NUDT17: variants seen among roughly 807,000 people sequenced by gnomAD.
NUDT17 encodes nudix hydrolase 17, also known as m7GpppN-mRNA hydrolase NUDT17.
NUDT17 carries 38 observed loss-of-function variants against 38.6 expected under a neutral mutation model. The ratio of observed to expected loss-of-function variants is 0.98; its 90% confidence interval spans 0.76 to 1.29. The LOEUF (loss-of-function observed/expected upper bound fraction) is 1.29, where lower values mean the gene tolerates loss of function less well. Among genes scored for constraint, NUDT17 ranks in the 50% most tolerant of loss-of-function variants. The pLI is 0.00. For synonymous variants in NUDT17, 192 were observed against 167.8 expected (o/e 1.14, Z -1.11); for missense variants, 462 against 415.2 (o/e 1.11, Z -0.98).
chr1:145,845,957 C>T, intron 1 of NUDT17, 56 bp from the exon 2 acceptor site: 5 of 1,545,064 alleles, frequency 3.2e-6, no homozygotes, highest in Non-Finnish European at 4.4e-6. Context: ...TTGGAAGTCA[C>T]GCCCACCCAG....
rs782001827 is a variant in NUDT17 at position 145,846,440 on chromosome 1, C to A, written c.384C>A (p.His128Gln). ...SPNLWVPPGG[H>Q]VELEEELLDG... is the part of the protein sequence containing the mutation. ...GCCCCACTGTTGTTGCAGGTGGGCA[C>A]GTGGAACTTGAGGAGGAGGTAACCA... Residue 128 changes from histidine to glutamine, a missense_variant, in exon 3 of 8, where the codon CAC becomes CAA. Transcript: ENST00000334513. 3 of 1,613,816 alleles carry A rather than the reference C, an allele frequency of 1.9e-6. No homozygotes were observed. Among genetic ancestry groups the A allele is most frequent in the Non-Finnish European group, 2.5e-6 (3 of 1,179,768 alleles).
chr1:145,847,036 A>C (rs1301330721), intron 4 of NUDT17, among the ~76,000 whole-genome samples: 1 of 152,204 alleles, frequency 6.6e-6, no homozygotes, highest in Non-Finnish European at 1.5e-5. Flanking sequence ...TACTAAAAAT[A>C]CAAAAATTTT....
At position 145,848,227 on chromosome 1, in the gene NUDT17, A is replaced by C. The variant is rs1652807055; in HGVS notation, c.847A>C (p.Lys283Gln). The change falls in exon 7 of 8, where the codon AAG becomes CAG. Residue 283 changes from lysine to glutamine, a missense_variant. Coordinates refer to ENST00000334513, the MANE Select transcript of NUDT17 (RefSeq NM_001012758.3). Reference sequence around the variant, plus strand: ...CAAAGAGAGAGTCAGCACTGGAACCAAGTTTGCCCTCAAGCTCTGGCTGCA... The same window carrying C: ...CAAAGAGAGAGTCAGCACTGGAACCCAGTTTGCCCTCAAGCTCTGGCTGCA... Reference protein sequence around the residue: ...EDKERVSTGTKFALKLWLQHL... With the variant: ...EDKERVSTGTQFALKLWLQHL... 8 of 1,614,082 alleles carry C rather than the reference A, an allele frequency of 5.0e-6. No individual in the cohort carries two copies. Among genetic ancestry groups the C allele is most frequent in the Non-Finnish European group, 6.8e-6 (8 of 1,180,044 alleles).
rs942018544 is a variant in NUDT17 at position 145,846,185 on chromosome 1, G to T, written c.365G>T (p.Trp122Leu). 2 of 1,585,454 alleles carry T rather than the reference G, an allele frequency of 1.3e-6. No homozygotes were observed. Among genetic ancestry groups the T allele is most frequent in the Non-Finnish European group, 1.7e-6 (2 of 1,165,870 alleles). ...ARTLSVSPNL[W>L]VPPGGHVELE... Reference sequence around the variant, plus strand: ...ACCCTGAGCGTTTCCCCCAACCTCTGGGTACCCCCGGGTGAGTATTCTGGG... The same window carrying T: ...ACCCTGAGCGTTTCCCCCAACCTCTTGGTACCCCCGGGTGAGTATTCTGGG... Residue 122 changes from tryptophan to leucine, a missense_variant, in exon 2 of 8, where the codon TGG becomes TTG. Coordinates refer to ENST00000334513, the MANE Select transcript of NUDT17 (RefSeq NM_001012758.3).
chr1:145,847,541 A>G, intron 5 of NUDT17, 42 bp from the exon 6 acceptor site: 1 of 1,608,122 alleles, frequency 6.2e-7, no homozygotes. Context: ...CAGGCAGCCC[A>G]GGGAGAGGCA....
Position 145,848,544 on chromosome 1 carries a change from G to T in NUDT17, c.*65G>T. On this transcript the variant is annotated 3_prime_UTR_variant, in exon 8 of 8. Transcript: ENST00000334513. ...ACAGAACATTCACAACCTTTATTAT[G>T]GGTGAGAGCTTCACTACAACTTTAG... 1 of 1,080,450 alleles carries T rather than the reference G, an allele frequency of 9.3e-7. No individual in the cohort carries two copies. Among genetic ancestry groups the T allele is most frequent in the South Asian group, 1.4e-5 (1 of 72,940 alleles). The allele number at this position is 1,080,450 out of a possible 1,614,324, so 66.9% of individuals were successfully genotyped here.
Position 145,848,516 on chromosome 1 carries a change from C to T in NUDT17, c.*37C>T. ...CCCTCCCTAGCCCATCTCCATGACA[C>T]TCACAGAACATTCACAACCTTTATT... On this transcript the variant is annotated 3_prime_UTR_variant, in exon 8 of 8. Transcript: ENST00000334513. 7.2e-7 allele frequency: 1 copy of T among 1,386,664 alleles called. No homozygotes were observed. Among genetic ancestry groups the T allele is most frequent in the Non-Finnish European group, 1.0e-6 (1 of 983,304 alleles). The allele number at this position is 1,386,664 out of a possible 1,614,324, so 85.9% of individuals were successfully genotyped here.
chr1:145,848,381 C>T lies in NUDT17; in HGVS notation c.889C>T (p.Pro297Ser). The T allele has an allele frequency of 6.2e-7, 1 of 1,613,228 alleles. No homozygotes were observed. The highest frequency in any genetic ancestry group is 8.5e-7 in the Non-Finnish European group (1 of 1,179,458). ...KLWLQHLGRTPPPCKSAAYLD... is the reference protein window; with the variant it reads ...KLWLQHLGRTSPPCKSAAYLD... ...TCTCTTGGAATTCCTCCACAGAACA[C>T]CCCCACCGTGTAAAAGTGCAGCTTA... Residue 297 changes from proline (P) to serine (S), a missense_variant, in exon 8 of 8, where the codon CCC (proline) becomes TCC (serine). Pro to Ser is a moderately conservative substitution (Grantham distance 74, BLOSUM62 -1). Transcript: ENST00000334513.
At position 145,845,842 on chromosome 1, in the gene NUDT17, AG is replaced by A; in HGVS notation, c.192+15del. ...TAGGCTTCCGCTCCAGGTCGGCAGA[AG>A]GGGGCCCCAGAGCGGGGGCAGTGAA... On this transcript the variant is annotated intron_variant, in intron 1 of 7. Transcript: ENST00000334513. The A allele has an allele frequency of 6.3e-7, 1 of 1,581,330 alleles. No individual in the cohort carries two copies. Among genetic ancestry groups the A allele is most frequent in the Non-Finnish European group, 8.6e-7 (1 of 1,163,646 alleles).
chr1:145,846,658 C>T lies in NUDT17; in HGVS notation c.463C>T (p.Gln155Ter). 1 of 1,613,996 alleles carries T rather than the reference C, an allele frequency of 6.2e-7. No individual in the cohort carries two copies. Among genetic ancestry groups the T allele is most frequent in the Non-Finnish European group, 8.5e-7 (1 of 1,179,854 alleles). Residue 155 changes from glutamine (Q) to a stop codon, truncating the protein, a stop_gained, in exon 4 of 8, where the codon CAG (glutamine) becomes TAG (stop). Transcript: ENST00000334513. LOFTEE classifies it high-confidence loss of function. ...EESGLHLPQG[Q>*]FSWVPLGLWE... ...GAGTGGACTACACCTGCCCCAGGGC[C>T]AGTTCTCTTGGGTCCCTCTGGGTTT...
rs782300119 is a variant in NUDT17, at chr1:145,846,380, G to A, written c.377-53G>A. ...AGAGGAGTGTCAACAGTGAGTGGGG[G>A]CTCCCTGGCCAAGACCACCACCATT... On this transcript the variant is annotated intron_variant, in intron 2 of 7. Coordinates refer to ENST00000334513, the MANE Select transcript of NUDT17 (RefSeq NM_001012758.3). 29 of 1,608,686 alleles carry A rather than the reference G, an allele frequency of 1.8e-5. No individual in the cohort carries two copies. The African/African-American group carries it at 2.4e-4, about 13-fold the overall frequency.
Position 145,847,610 on chromosome 1 carries a change from G to T in NUDT17, c.622G>T (p.Val208Leu). ...QARIQPNPNE[V>L]SALMWLTPDV... ...CCGGATCCAACCAAACCCAAATGAG[G>T]TGAGCGCCCTTATGTGGCTGACACC... Residue 208 changes from valine to leucine, a missense_variant, in exon 6 of 8, where the codon GTG becomes TTG. Transcript: ENST00000334513. 1 of 1,613,862 alleles carries T rather than the reference G, an allele frequency of 6.2e-7. No individual in the cohort carries two copies. Among genetic ancestry groups the T allele is most frequent in the Non-Finnish European group, 8.5e-7 (1 of 1,180,030 alleles).
chr1:145,847,981 T>C, intron 6 of NUDT17, 131 bp from the exon 7 acceptor site: 2 of 1,072,388 alleles, frequency 1.9e-6, no homozygotes, highest in Non-Finnish European at 2.7e-6. Flanking sequence ...CTTGAACCTG[T>C]TTCCTTTCTG....
chr1:145,845,738 T>C lies in NUDT17; in HGVS notation c.98T>C (p.Leu33Pro). ...GGCCTCCTGGGAGCCGGACCAGGGC[T>C]CGGGACGTGGCCCATTCACTGCAGC... is the stretch of plus-strand genomic sequence containing the variant. ...VCGLLGAGPGLGTWPIHCSLK... is the reference protein window; with the variant it reads ...VCGLLGAGPGPGTWPIHCSLK... Residue 33 changes from leucine (L) to proline (P), a missense_variant, in exon 1 of 8, where the codon CTC becomes CCC. Leu to Pro is a moderately conservative substitution (Grantham distance 98, BLOSUM62 -3). Coordinates refer to ENST00000334513, the MANE Select transcript of NUDT17 (RefSeq NM_001012758.3). The C allele has an allele frequency of 6.4e-7, 1 of 1,565,344 alleles. No individual in the cohort carries two copies. The highest frequency in any genetic ancestry group is 1.4e-5 in the African/African-American group (1 of 73,942).
Position 145,848,280 on chromosome 1 carries a change from GA to G in NUDT17, c.884+17del. ...ATCTGGGCAGGTAAAAGTGAAAAAG[GA>G]CTGGAGAGCTCCACAGTACTGGGCT... On this transcript the variant is annotated intron_variant, in intron 7 of 7. Transcript: ENST00000334513. The G allele has an allele frequency of 6.2e-7, 1 of 1,614,094 alleles. No homozygotes were observed. The highest frequency in any genetic ancestry group is 8.5e-7 in the Non-Finnish European group (1 of 1,179,962).
rs782255046 is a variant in NUDT17, at chr1:145,847,647, C to T, written c.659C>T (p.Ala220Val). ...ALMWLTPDVA[A>V]AVAAAEDGTE... ...ATGTGGCTGACACCAGATGTAGCTGCTGCAGTGGCTGCCGCAGAGGATGGG... is the reference window on the plus strand; with the variant it reads ...ATGTGGCTGACACCAGATGTAGCTGTTGCAGTGGCTGCCGCAGAGGATGGG... The change falls in exon 6 of 8, where the codon GCT becomes GTT. Residue 220 changes from alanine to valine, a missense_variant. Coordinates refer to ENST00000334513, the MANE Select transcript of NUDT17 (RefSeq NM_001012758.3). 4.3e-6 allele frequency: 7 copies of T among 1,613,984 alleles called. No homozygotes were observed. Among genetic ancestry groups the T allele is most frequent in the Non-Finnish European group, 5.9e-6 (7 of 1,180,002 alleles).
chr1:145,845,666 T>G lies in NUDT17; in HGVS notation c.26T>G (p.Leu9Arg). MAEVRVQLLLSRRPESVSF... is the reference protein window; with the variant it reads MAEVRVQLRLSRRPESVSF... Reference sequence around the variant, plus strand: ...ATGGCCGAGGTGCGGGTGCAGCTGCTCCTGTCCCGGCGTCCGGAGTCGGTG... The same window carrying G: ...ATGGCCGAGGTGCGGGTGCAGCTGCGCCTGTCCCGGCGTCCGGAGTCGGTG... The change falls in exon 1 of 8, where the codon CTC (leucine) becomes CGC (arginine). Residue 9 changes from leucine to arginine, a missense_variant. Transcript: ENST00000334513. The G allele has an allele frequency of 6.5e-7, 1 of 1,532,516 alleles. No homozygotes were observed. Among genetic ancestry groups the G allele is most frequent in the Non-Finnish European group, 8.8e-7 (1 of 1,133,530 alleles). The allele number at this position is 1,532,516 out of a possible 1,614,324, so 94.9% of individuals were successfully genotyped here.
At chr1:145,847,562 G>A in intron 5 of NUDT17, 21 bp from the exon 6 acceptor site, 2 of 1,611,462 alleles carry the variant, frequency 1.2e-6, no homozygotes, top group Non-Finnish European at 1.7e-6. Flanking sequence ...ATGACTGAGG[G>A]GTCACCATGT....
At position 145,847,267 on chromosome 1, in the gene NUDT17, G is replaced by A. The variant is rs1652744686; in HGVS notation, c.513G>A (p.Arg171=). The A allele has an allele frequency of 1.2e-6, 2 of 1,606,826 alleles. No homozygotes were observed. The highest frequency in any genetic ancestry group is 1.3e-5 in the African/African-American group (1 of 74,704). ...TTTCCTAGTCTGCCTACCCTCCTAGGCTGAGCTGGGGTTTACCCAAATACC... is the reference window on the plus strand; with the variant it reads ...TTTCCTAGTCTGCCTACCCTCCTAGACTGAGCTGGGGTTTACCCAAATACC... ...LGLWESAYPP[R]LSWGLPKYHH... is the part of the protein sequence containing the mutation. The change falls in exon 5 of 8, where the codon AGG becomes AGA. Residue 171 remains arginine, a synonymous_variant. Transcript: ENST00000334513.
Sources: allele counts gnomAD v4.1 joint callset (sites outside exome capture counted in the v4.1 genomes callset), GRCh38; gene constraint gnomAD v4.1.1; transcripts MANE v1.5; gene names NCBI Gene and HGNC (gene_info 2026-07-23, HGNC 2026-07-21).